GSE1: variants seen among roughly 807,000 people sequenced by gnomAD.
The protein encoded by GSE1 is Gse1 coiled-coil protein.
A neutral mutation model predicts 112.6 loss-of-function variants in GSE1; 32 were observed. The ratio of observed to expected loss-of-function variants is 0.28; its 90% CI spans 0.21 to 0.38. The LOEUF (loss-of-function observed/expected upper bound fraction) is 0.38. Ranked by LOEUF, GSE1 falls within the 10% of genes least tolerant of loss-of-function variation. GSE1 has a pLI of 1.00. For missense variants in GSE1, 2,348 were observed against 1,699.2 expected (o/e 1.38, Z -6.71); for synonymous variants, 1,115 against 735.6 (o/e 1.52, Z -8.35).
intron 2 of GSE1, among the ~76,000 whole-genome samples, chr16:85,434,345 A>AATCATCATCATC (rs1555511267): frequency 3.2e-4 from 46 of 143,498 alleles, no homozygotes; most frequent in African/African-American, 1.1e-3. Flanking sequence ...TAATAATAAT[A>AATCATCATCATC]ATCAGTGCCG....
intron 1 of GSE1, among the ~76,000 whole-genome samples, chr16:85,569,559 G>T (rs1323145492): frequency 6.6e-6 from 1 of 152,236 alleles, no homozygotes; most frequent in Non-Finnish European, 1.5e-5. Context: ...TAGGCTGTCA[G>T]GAAGGGCGGA....
chr16:85,398,248 G>A (rs1280238398), intron 2 of GSE1, among the ~76,000 whole-genome samples: 1 of 152,210 alleles, frequency 6.6e-6, no homozygotes, highest in African/African-American at 2.4e-5. Context: ...GAATTCAGGC[G>A]TCTTTGGGGA....
chr16:85,593,085 A>G lies in GSE1; in HGVS notation c.37+36722A>G, dbSNP rs969886208. On this transcript the variant is annotated intron_variant, in intron 1 of 2. Transcript: ENST00000635906. ...TCCTCTCTAGTCCTTTTGTTTGGAA[A>G]CTGAGCCCAGAGACCACAAGCAAAC... 1.2e-4 allele frequency: 19 copies of G among 152,246 alleles called. No homozygotes were observed. The East Asian group carries it at 3.3e-3, about 26-fold the overall frequency. 9.4% of individuals were successfully genotyped at this position (152,246 alleles called of 1,614,324 possible).
chr16:85,599,082 GATAGAA>G (rs1316778670), intron 1 of GSE1, among the ~76,000 whole-genome samples: 3 of 152,214 alleles, frequency 2.0e-5, no homozygotes, highest in African/African-American at 7.2e-5. Context: ...TTCGTGCGCC[GATAGAA>G]GTTGTTAAAT....
chr16:85,483,731 C>G (rs1394282614), intron 2 of GSE1, among the ~76,000 whole-genome samples: 1 of 152,270 alleles, frequency 6.6e-6, no homozygotes, highest in African/African-American at 2.4e-5. Flanking sequence ...GGAGCCCGTC[C>G]CCGTGTAAAC....
chr16:85,380,827 G>A (rs1013671582), intron 2 of GSE1, among the ~76,000 whole-genome samples: 1 of 152,214 alleles, frequency 6.6e-6, no homozygotes, highest in African/African-American at 2.4e-5. Flanking sequence ...CAAGCTGGGA[G>A]ACCGTCCTTC....
intron 1 of GSE1, among the ~76,000 whole-genome samples, chr16:85,172,431 T>G (rs1021927013): frequency 1.3e-5 from 2 of 152,242 alleles, no homozygotes; most frequent in Non-Finnish European, 1.5e-5. Flanking sequence ...CTTTCCTCTC[T>G]GCAAGTCAGC....
chr16:85,408,080 T>C (rs867737457), intron 2 of GSE1, among the ~76,000 whole-genome samples: 11 of 47,926 alleles, frequency 2.3e-4, no homozygotes, highest in African/African-American at 2.9e-4. Flanking sequence ...TAATCCTCAC[T>C]GTTACACTCA....
chr16:85,357,957 A>G (rs545234724), intron 2 of GSE1, among the ~76,000 whole-genome samples: 1 of 151,874 alleles, frequency 6.6e-6, no homozygotes, highest in Non-Finnish European at 1.5e-5. Flanking sequence ...AAAAAAAATG[A>G]TGTTATGGAT....
chr16:85,566,517 G>T (rs1186335494), intron 1 of GSE1, among the ~76,000 whole-genome samples: 1 of 152,210 alleles, frequency 6.6e-6, no homozygotes, highest in Non-Finnish European at 1.5e-5. Flanking sequence ...TGGCCAGCCC[G>T]GCCTCAGCGG....
In GSE1 at chr16:85,660,289, A is replaced by T. The variant is rs954365615; in HGVS notation, c.1641-857A>T. Among the ~76,000 whole-genome samples, 4 of 152,304 alleles carry T rather than the reference A, an allele frequency of 2.6e-5. No individual in the cohort carries two copies. In the East Asian group the frequency reaches 5.8e-4, roughly 22 times the overall value. Reference sequence around the variant, plus strand: ...TGAGAGGGTCTCTGCCTTCCCTAGCAGCTTAGGCTGGGAGCCTCCCTATCC... The same window carrying T: ...TGAGAGGGTCTCTGCCTTCCCTAGCTGCTTAGGCTGGGAGCCTCCCTATCC... On this transcript the variant is annotated intron_variant, in intron 8 of 15. Coordinates refer to ENST00000253458, the MANE Select transcript of GSE1 (RefSeq NM_014615.5).
At chr16:85,503,520 C>T (rs1044133669) in intron 2 of GSE1, among the ~76,000 whole-genome samples, 6 of 152,154 alleles carry the variant, frequency 3.9e-5, no homozygotes, top group Admixed American at 3.3e-4. Flanking sequence ...GCGAGGGGAG[C>T]GGGGCCTCTG....
At chr16:85,632,379 C>A (rs939072088) in intron 1 of GSE1, among the ~76,000 whole-genome samples, 2 of 152,162 alleles carry the variant, frequency 1.3e-5, no homozygotes, top group African/African-American at 4.8e-5. Flanking sequence ...CAGGCAGTGC[C>A]CCCAGCCCTT....
At chr16:85,235,881 C>T (rs1001720108) in intron 1 of GSE1, among the ~76,000 whole-genome samples, 1 of 152,036 alleles carries the variant, frequency 6.6e-6, no homozygotes, top group South Asian at 2.1e-4. Flanking sequence ...CAGCGGCGCC[C>T]GCGCCCCGCC....
intron 2 of GSE1, among the ~76,000 whole-genome samples, chr16:85,531,998 G>C (rs2044154066): frequency 6.6e-6 from 1 of 152,200 alleles, no homozygotes; most frequent in Non-Finnish European, 1.5e-5. Flanking sequence ...CAGGACCCGG[G>C]TGTCTAGGGA....
intron 1 of GSE1, among the ~76,000 whole-genome samples, chr16:85,173,671 A>G (rs1567587357): frequency 6.6e-6 from 1 of 151,924 alleles, no homozygotes; most frequent in South Asian, 2.1e-4. Context: ...ATTCTGGTGT[A>G]TTTTCTCATG....
chr16:85,593,455 C>T (rs1164858092), intron 1 of GSE1: 1 of 152,428 alleles, frequency 6.6e-6, no homozygotes, highest in African/African-American at 2.4e-5. Flanking sequence ...TGTCATCATT[C>T]AGGGGCAGCC....
At chr16:85,484,109 C>CG (rs1555519756) in intron 2 of GSE1, among the ~76,000 whole-genome samples, 1 of 152,242 alleles carries the variant, frequency 6.6e-6, no homozygotes, top group Non-Finnish European at 1.5e-5. Flanking sequence ...ATGTGGCTCC[C>CG]GGACCAGTTA....
intron 1 of GSE1, among the ~76,000 whole-genome samples, chr16:85,306,832 C>T (rs2045692222): frequency 6.6e-6 from 1 of 152,216 alleles, no homozygotes; most frequent in African/African-American, 2.4e-5. Context: ...TGAGCATTTT[C>T]CGGAAAGGAG....
Sources: allele counts gnomAD v4.1 joint callset (sites outside exome capture counted in the v4.1 genomes callset), GRCh38; gene constraint gnomAD v4.1.1; transcripts MANE v1.5; gene names NCBI Gene and HGNC (gene_info 2026-07-23, HGNC 2026-07-21).